RAD21: variants seen among roughly 807,000 people sequenced by gnomAD.
RAD21 encodes the protein double-strand-break repair protein rad21 homolog.
Under a neutral mutation model 71.5 loss-of-function variants are expected in RAD21, and 18 were observed. The observed-to-expected ratio is 0.25, with a 90% CI of 0.17 to 0.37. The LOEUF is 0.37. RAD21 is among the 10% of genes least tolerant of loss of function. The pLI, the probability that RAD21 is intolerant of heterozygous loss-of-function variation, is 1.00. For synonymous variants in RAD21, 248 were observed against 254.0 expected, an observed-to-expected ratio of 0.98 and a Z score of 0.22; for missense variants, 493 against 769.1, an observed-to-expected ratio of 0.64 and a Z score of 4.25.
chr8:116,874,276 GTTTCCCC>G (rs1812919053), intron 1 of RAD21: 1 of 152,560 alleles, frequency 6.6e-6, no homozygotes, highest in Non-Finnish European at 1.5e-5. Flanking sequence ...GCAGCCCAGG[GTTTCCCC>G]GGCCTCCTGG....
chr8:116,873,638 T>C (rs994283947), intron 1 of RAD21, among the ~76,000 whole-genome samples: 1 of 151,240 alleles, frequency 6.6e-6, no homozygotes. Flanking sequence ...CAAACGCTGT[T>C]TTTTTTTTCA....
intron 1 of RAD21, among the ~76,000 whole-genome samples, chr8:116,872,002 G>A (rs1384291838): frequency 2.0e-5 from 3 of 152,214 alleles, no homozygotes; most frequent in South Asian, 4.1e-4. Flanking sequence ...AATATAGTCG[G>A]TCCTCCTTAT....
rs1473601429 is a variant in RAD21 at position 116,848,771 on chromosome 8, AAAG to A, written c.1704+172_1704+174del. The A allele has an allele frequency of 4.2e-5, 19 of 449,078 alleles. No homozygotes were observed. In the East Asian group the frequency reaches 5.2e-4, roughly 12 times the overall value. 27.8% of individuals were successfully genotyped at this position (449,078 alleles called of 1,614,324 possible). ...AAACTTAAACTATAATAAAAAAAAA[AAAG>A]AAAAGAAAACTCTCCCTCCAGAAAA... On this transcript the variant is annotated intron_variant, in intron 13 of 13. Coordinates refer to ENST00000297338, the MANE Select transcript of RAD21 (RefSeq NM_006265.3).
chr8:116,848,566 T>C (rs1384682536), intron 13 of RAD21, among the ~76,000 whole-genome samples: 1 of 152,082 alleles, frequency 6.6e-6, no homozygotes, highest in Non-Finnish European at 1.5e-5. Flanking sequence ...TGCTACACAA[T>C]GACCCAATAA....
intron 11 of RAD21, 123 bp downstream of exon 11, chr8:116,851,825 T>C (rs749869345): frequency 1.9e-6 from 2 of 1,033,100 alleles, no homozygotes; most frequent in African/African-American, 1.6e-5. Context: ...CTTCTTCCTC[T>C]GGACTCATTC....
In RAD21 at chr8:116,856,283, C is replaced by T. The variant is rs1304151880; in HGVS notation, c.820G>A (p.Gly274Arg). The change falls in exon 8 of 14, where the codon GGG becomes AGG. Residue 274 changes from glycine to arginine, a missense_variant. Gly to Arg is a moderately radical substitution (Grantham distance 125). Transcript: ENST00000297338. ...MDEDDNVSMG[G>R]PDSPDSVDPV... Reference sequence around the variant, plus strand: ...TCCACTGAATCAGGACTATCAGGCCCACCCACTGTAAAAAAAAAAAAAAAA... The same window carrying T: ...TCCACTGAATCAGGACTATCAGGCCTACCCACTGTAAAAAAAAAAAAAAAA... The T allele has an allele frequency of 6.8e-6, 10 of 1,468,724 alleles. No homozygotes were observed. Among genetic ancestry groups the T allele is most frequent in the East Asian group, 2.5e-5 (1 of 39,450 alleles). 91.0% of individuals were successfully genotyped at this position (1,468,724 alleles called of 1,614,324 possible).
chr8:116,847,235 ATCTGT>A lies in RAD21; in HGVS notation c.*260_*264del. On this transcript the variant is annotated 3_prime_UTR_variant, in exon 14 of 14. Coordinates refer to ENST00000297338, the MANE Select transcript of RAD21 (RefSeq NM_006265.3). ...TATTACATGCACCAATATTGCACAC[ATCTGT>A]TCTGAACTGTTAAAATCATCTTCTG... The A allele has an allele frequency of 5.5e-6, 2 of 360,450 alleles. No homozygotes were observed. Among genetic ancestry groups the A allele is most frequent in the East Asian group, 8.3e-5 (2 of 24,116 alleles). 22.3% of individuals were successfully genotyped at this position (360,450 alleles called of 1,614,324 possible). A position where few individuals can be genotyped will look rare whatever the true frequency, so the allele number is the denominator to read the frequency against.
intron 4 of RAD21, among the ~76,000 whole-genome samples, chr8:116,859,312 TCA>T (rs1174284178): frequency 6.6e-6 from 1 of 152,198 alleles, no homozygotes; most frequent in Non-Finnish European, 1.5e-5. Flanking sequence ...TGCCTCTGTG[TCA>T]CATTTTGGTA....
chr8:116,861,361 CCT>C (rs1812589330), intron 4 of RAD21, among the ~76,000 whole-genome samples: 1 of 151,136 alleles, frequency 6.6e-6, no homozygotes, highest in Non-Finnish European at 1.5e-5. Flanking sequence ...GTAACTCTCT[CCT>C]CTCAAATGTG....
chr8:116,871,990 G>T (rs903278573), intron 1 of RAD21, among the ~76,000 whole-genome samples: 2 of 152,058 alleles, frequency 1.3e-5, no homozygotes, highest in Non-Finnish European at 2.9e-5. Context: ...CCCAAACAAC[G>T]GAATATAGTC....
rs61737172 is a variant in RAD21, at chr8:116,847,614, G to A, written c.1782C>T (p.Ala594=). 31 of 1,614,022 alleles carry A rather than the reference G, an allele frequency of 1.9e-5. No homozygotes were observed. The highest frequency in any genetic ancestry group is 3.3e-4 in the Middle Eastern group (2 of 6,062). The change falls in exon 14 of 14, where the codon GCC becomes GCT. Residue 594 remains alanine, a synonymous_variant. Transcript: ENST00000297338. ...GAACCAAGAAGCTGTAGAACTTTGC[G>A]GCAGCTTGTTTTCTGTTCGTATTTC... ...LCRNTNRKQA[A]AKFYSFLVLK...
intron 10 of RAD21, 186 bp from the exon 11 acceptor site, chr8:116,852,282 G>A (rs944171830): frequency 2.7e-5 from 18 of 663,414 alleles, no homozygotes; most frequent in Non-Finnish European, 3.9e-5. Flanking sequence ...AGGGGAAAGG[G>A]GATCTTAAAA....
chr8:116,873,330 A>G (rs997416462), intron 1 of RAD21, among the ~76,000 whole-genome samples: 1 of 152,236 alleles, frequency 6.6e-6, no homozygotes, highest in Non-Finnish European at 1.5e-5. Context: ...CAAACTGTTA[A>G]CTTATTTGAA....
intron 13 of RAD21, among the ~76,000 whole-genome samples, chr8:116,848,554 G>C (rs1228987113): frequency 6.6e-6 from 1 of 152,112 alleles, no homozygotes; most frequent in Non-Finnish European, 1.5e-5. Flanking sequence ...AGTAACGTCT[G>C]ATGCTACACA....
At chr8:116,852,755 A>G (rs777614569) in intron 9 of RAD21, 47 bp from the exon 10 acceptor site, 6 of 1,325,296 alleles carry the variant, frequency 4.5e-6, no homozygotes, top group Non-Finnish European at 5.0e-6. Context: ...AAATAAATCT[A>G]ATTAAAAAGT....
chr8:116,862,412 T>C (rs16888968), intron 3 of RAD21, among the ~76,000 whole-genome samples: 6 of 152,084 alleles, frequency 3.9e-5, no homozygotes, highest in African/African-American at 1.4e-4. Context: ...AATGTGCTTA[T>C]TGGTCACATG....
intron 6 of RAD21, 141 bp downstream of exon 6, chr8:116,857,126 G>A (rs1812487375): frequency 1.5e-6 from 1 of 686,632 alleles, no homozygotes; most frequent in South Asian, 2.2e-5. Context: ...TTACCGAAAT[G>A]TCCTATTGAA....
At chr8:116,850,899 A>G (rs976496923) in intron 11 of RAD21, 132 bp from the exon 12 acceptor site, 14 of 538,488 alleles carry the variant, frequency 2.6e-5, no homozygotes, top group Non-Finnish European at 3.8e-5. Flanking sequence ...ATACTTCCCC[A>G]CAAGGAAAAA....
rs570210730 is a variant in RAD21 at position 116,855,152 on chromosome 8, A to G, written c.938-684T>C. Among the ~76,000 whole-genome samples the G allele has an allele frequency of 3.9e-5, 6 of 152,300 alleles. No homozygotes were observed. The South Asian group carries it at 1.0e-3, about 26-fold the overall frequency. ...TCAACACTTAAAAAAAAAATACAAA[A>G]AGATGTTACACAGTGAGAGTCTCTC... On this transcript the variant is annotated intron_variant, in intron 8 of 13. Coordinates refer to ENST00000297338, the MANE Select transcript of RAD21 (RefSeq NM_006265.3).
Sources: allele counts gnomAD v4.1 joint callset (sites outside exome capture counted in the v4.1 genomes callset), GRCh38; gene constraint gnomAD v4.1.1; transcripts MANE v1.5; gene names NCBI Gene and HGNC (gene_info 2026-07-23, HGNC 2026-07-21).